Variants in GRIP1 observed in about 807,000 individuals in gnomAD.
The protein encoded by GRIP1 is glutamate receptor-interacting protein 1.
Under a neutral mutation model 129.9 loss-of-function variants are expected in GRIP1, and 45 were observed. The ratio of observed to expected loss-of-function variants is 0.35; its 90% CI spans 0.27 to 0.44. The LOEUF (loss-of-function observed/expected upper bound fraction) is 0.44, where lower values mean the gene tolerates loss of function less well. Among genes scored for constraint, GRIP1 ranks in the 20% least tolerant of loss-of-function variants. The pLI, the probability that GRIP1 is intolerant of heterozygous loss-of-function variation, is 1.00. For missense variants in GRIP1, 1,196 were observed against 1,396.8 expected (o/e 0.86, Z 2.29); for synonymous variants, 530 against 520.8 (o/e 1.02, Z -0.24).
intron 15 of GRIP1, among the ~76,000 whole-genome samples, chr12:66,415,503 A>G (rs1017680357): frequency 2.6e-5 from 4 of 152,196 alleles, no homozygotes; most frequent in African/African-American, 9.6e-5. Flanking sequence ...ATTATGAAAG[A>G]CAGTGTGGCG....
At chr12:67,064,116 A>G (rs12228922) in intron 1 of GRIP1, among the ~76,000 whole-genome samples, 16,987 of 152,266 alleles carry the variant, frequency 0.11, 1,017 homozygotes, top group African/African-American at 0.13. Context: ...CAACTTAAAA[A>G]TATGTTGAGG....
At chr12:66,717,298 C>T (rs1364959862) in intron 1 of GRIP1, among the ~76,000 whole-genome samples, 1 of 151,692 alleles carries the variant, frequency 6.6e-6, no homozygotes, top group Non-Finnish European at 1.5e-5. Flanking sequence ...AAAATGCTTG[C>T]TTTATGACAT....
Position 66,392,747 on chromosome 12 carries a change from C to T in GRIP1, c.2199G>A (p.Leu733=). The T allele has an allele frequency of 6.2e-7, 1 of 1,613,924 alleles. No homozygotes were observed. The highest frequency in any genetic ancestry group is 1.1e-5 in the South Asian group (1 of 91,082). ...TCTGTAACAAATGGATGGCTTCACTCAGAGGCTTCCCTTTCAAGCTGCTGC... is the reference window on the plus strand; with the variant it reads ...TCTGTAACAAATGGATGGCTTCACTTAGAGGCTTCCCTTTCAAGCTGCTGC... The part of the protein sequence containing the change: ...INSSSLKGKP[L]SEAIHLLQMA... Residue 733 remains leucine (L), a synonymous_variant, in exon 18 of 25, where the codon CTG becomes CTA. Coordinates refer to ENST00000359742, the MANE Select transcript of GRIP1 (RefSeq NM_001366722.1).
At chr12:67,066,394 G>T (rs1018220293) in intron 1 of GRIP1, among the ~76,000 whole-genome samples, 2 of 151,958 alleles carry the variant, frequency 1.3e-5, no homozygotes, top group Non-Finnish European at 2.9e-5. Context: ...ATTAATTTGC[G>T]TTACATCTCA....
At chr12:66,900,352 A>G (rs2040824340) in intron 1 of GRIP1, among the ~76,000 whole-genome samples, 1 of 152,098 alleles carries the variant, frequency 6.6e-6, no homozygotes, top group Non-Finnish European at 1.5e-5. Flanking sequence ...GACCCCAGAG[A>G]GCTCACTCTC....
upstream of GRIP1, chr12:66,679,110 C>T (rs752747626): frequency 1.0e-4 from 147 of 1,465,398 alleles, no homozygotes; most frequent in Non-Finnish European, 1.3e-4. Context: ...TACTACCACC[C>T]CTGCCTGCCA....
chr12:66,823,678 C>T (rs2039360099), intron 1 of GRIP1, among the ~76,000 whole-genome samples: 1 of 152,056 alleles, frequency 6.6e-6, no homozygotes, highest in South Asian at 2.1e-4. Flanking sequence ...TAAACACCAA[C>T]CATAATACCA....
At chr12:66,715,471 TGAGAGAGAGAGAGA>T (rs71447469) in intron 1 of GRIP1, among the ~76,000 whole-genome samples, 11 of 110,058 alleles carry the variant, frequency 1.0e-4, no homozygotes, top group South Asian at 3.1e-4. Flanking sequence ...TGTGTGTGTG[TGAGAGAGAGAGAGA>T]GAGAGAGAGA....
intron 2 of GRIP1, among the ~76,000 whole-genome samples, chr12:66,594,050 A>C (rs1440797494): frequency 2.3e-5 from 3 of 129,164 alleles, no homozygotes; most frequent in Non-Finnish European, 3.1e-5. Context: ...CCTGGGTGAC[A>C]GAGCAAGACT....
At chr12:66,684,654 G>A (rs2034710950) in intron 1 of GRIP1, among the ~76,000 whole-genome samples, 1 of 152,100 alleles carries the variant, frequency 6.6e-6, no homozygotes, top group Non-Finnish European at 1.5e-5. Context: ...AGACCAGTCT[G>A]GCCAACATGG....
chr12:66,867,992 G>A (rs867405867), intron 1 of GRIP1, among the ~76,000 whole-genome samples: 7 of 152,170 alleles, frequency 4.6e-5, no homozygotes, highest in Middle Eastern at 6.8e-3. Context: ...TTATTCTGAC[G>A]TAAATATGGG....
intron 1 of GRIP1, among the ~76,000 whole-genome samples, chr12:66,657,921 A>G (rs1454572127): frequency 2.0e-5 from 3 of 152,232 alleles, no homozygotes; most frequent in African/African-American, 7.2e-5. Flanking sequence ...TCATGTTTCA[A>G]GAATTTAACT....
intron 1 of GRIP1, among the ~76,000 whole-genome samples, chr12:66,884,633 A>G (rs1329185628): frequency 6.6e-6 from 1 of 152,240 alleles, no homozygotes; most frequent in East Asian, 1.9e-4. Context: ...TAAATGGATT[A>G]TAAAAAGAGA....
At chr12:66,523,594 A>C (rs559893701) in intron 5 of GRIP1, among the ~76,000 whole-genome samples, 1 of 152,142 alleles carries the variant, frequency 6.6e-6, no homozygotes, top group Non-Finnish European at 1.5e-5. Flanking sequence ...TGTAAAGACC[A>C]TCGAGACTAG....
chr12:66,725,035 T>G (rs4913494), intron 1 of GRIP1, among the ~76,000 whole-genome samples: 1 of 152,156 alleles, frequency 6.6e-6, no homozygotes, highest in Admixed American at 6.5e-5. Context: ...CTCATGCCTG[T>G]AATCCCAGCG....
chr12:66,478,252 A>G (rs576451267), intron 7 of GRIP1, among the ~76,000 whole-genome samples: 32 of 152,366 alleles, frequency 2.1e-4, no homozygotes, highest in Non-Finnish European at 3.2e-4. Flanking sequence ...GAAGACATTT[A>G]TGCAGCCAAC....
chr12:66,457,723 T>A (rs1223380733), intron 9 of GRIP1, among the ~76,000 whole-genome samples: 3 of 152,114 alleles, frequency 2.0e-5, no homozygotes, highest in Non-Finnish European at 4.4e-5. Flanking sequence ...TCAATTCGCA[T>A]CCTTTCTAGA....
intron 1 of GRIP1, among the ~76,000 whole-genome samples, chr12:66,914,222 T>C (rs2041081295): frequency 6.6e-6 from 1 of 152,070 alleles, no homozygotes; most frequent in Non-Finnish European, 1.5e-5. Context: ...AAATGGGGGG[T>C]AGGCACATAA....
intron 1 of GRIP1, among the ~76,000 whole-genome samples, chr12:66,903,934 G>A (rs1301018714): frequency 1.3e-5 from 2 of 152,160 alleles, no homozygotes; most frequent in Non-Finnish European, 2.9e-5. Flanking sequence ...CCAAGCAAAG[G>A]TTTTCAACAG....
Sources: allele counts gnomAD v4.1 joint callset (sites outside exome capture counted in the v4.1 genomes callset), GRCh38; gene constraint gnomAD v4.1.1; transcripts MANE v1.5; gene names NCBI Gene and HGNC (gene_info 2026-07-23, HGNC 2026-07-21).